The following AMOTL1 variants were observed in gnomAD, a reference collection of about 807,000 sequenced individuals.
AMOTL1 encodes the protein angiomotin-like protein 1.
In AMOTL1, 45 loss-of-function variants were observed where a neutral mutation model predicts 102.9. That is an observed-to-expected ratio of 0.44 (90% CI 0.34 to 0.56). The LOEUF is 0.56. Ranked by LOEUF, AMOTL1 falls within the 20% of genes least tolerant of loss-of-function variation. The pLI is 0.01. For synonymous variants in AMOTL1, 481 were observed against 484.7 expected (o/e 0.99, Z 0.10); for missense variants, 1,114 against 1,225.6 (o/e 0.91, Z 1.36).
At chr11:94,854,903 CCTT>C (rs1418571262) in intron 8 of AMOTL1, among the ~76,000 whole-genome samples, 7 of 152,170 alleles carry the variant, frequency 4.6e-5, no homozygotes, top group African/African-American at 7.2e-5. Context: ...TGCTGCCTGT[CCTT>C]CTCTGCTGGT....
chr11:94,707,784 T>C (rs565860917), intron 1 of AMOTL1, among the ~76,000 whole-genome samples: 1 of 152,266 alleles, frequency 6.6e-6, no homozygotes, highest in East Asian at 1.9e-4. Flanking sequence ...CCCTCCAAAC[T>C]TCCTCACATT....
At chr11:94,863,520 A>G (rs1952816125) in intron 9 of AMOTL1, among the ~76,000 whole-genome samples, 1 of 152,208 alleles carries the variant, frequency 6.6e-6, no homozygotes, top group Admixed American at 6.5e-5. Context: ...TGAACTCAGG[A>G]GGTGGAGGTT....
intron 4 of AMOTL1, among the ~76,000 whole-genome samples, chr11:94,822,115 C>T (rs764529777): frequency 8.5e-5 from 13 of 152,138 alleles, no homozygotes; most frequent in Admixed American, 2.0e-4. Flanking sequence ...AGGATTACCC[C>T]ACCTGGACAA....
chr11:94,800,232 C>T lies in AMOTL1; in HGVS notation c.1042C>T (p.Pro348Ser). 1 of 1,613,964 alleles carries T rather than the reference C, an allele frequency of 6.2e-7. No homozygotes were observed. The highest frequency in any genetic ancestry group is 8.5e-7 in the Non-Finnish European group (1 of 1,179,870). ...CGGGATGCTCCACGAGATGGTCAAGCCCTACCCTGCTCCTCAGCCTGTGAG... is the reference window on the plus strand; with the variant it reads ...CGGGATGCTCCACGAGATGGTCAAGTCCTACCCTGCTCCTCAGCCTGTGAG... The part of the protein sequence containing the change: ...HPGMLHEMVK[P>S]YPAPQPVRTD... Residue 348 changes from proline to serine, a missense_variant, in exon 3 of 13, where the codon CCC becomes TCC. Pro to Ser is a moderately conservative substitution (Grantham distance 74, BLOSUM62 -1). Coordinates refer to ENST00000433060, the MANE Select transcript of AMOTL1 (RefSeq NM_130847.3).
chr11:94,791,395 C>G (rs1314698756), intron 1 of AMOTL1, among the ~76,000 whole-genome samples: 2 of 152,248 alleles, frequency 1.3e-5, no homozygotes, highest in Non-Finnish European at 2.9e-5. Flanking sequence ...CTCCTTTACT[C>G]AGACCTTAGC....
intron 3 of AMOTL1, among the ~76,000 whole-genome samples, chr11:94,819,380 CA>C (rs1951822991): frequency 2.0e-5 from 3 of 152,322 alleles, no homozygotes; most frequent in African/African-American, 7.2e-5. Flanking sequence ...AGGACAGACA[CA>C]ACACAAAGTC....
chr11:94,737,446 TAC>T (rs1471366498), intron 2 of AMOTL1, among the ~76,000 whole-genome samples: 3 of 152,242 alleles, frequency 2.0e-5, no homozygotes, highest in Non-Finnish European at 4.4e-5. Flanking sequence ...ATTTGACTTT[TAC>T]AGTGTGACAC....
At position 94,870,821 on chromosome 11, in the gene AMOTL1, C is replaced by CAG; in HGVS notation, c.*28_*29dup. 6.5e-7 allele frequency: 1 copy of CAG among 1,545,138 alleles called. No individual in the cohort carries two copies. On this transcript the variant is annotated 3_prime_UTR_variant, in exon 13 of 13. Transcript: ENST00000433060. Reference sequence around the variant, plus strand: ...CTGCCATCCCTGTGGAATTTCAGTACAGAACACTGACAAACAAGGAAAGCG... The same window carrying CAG: ...CTGCCATCCCTGTGGAATTTCAGTACAGAGAACACTGACAAACAAGGAAAGCG...
chr11:94,855,063 G>A (rs1267184192), intron 8 of AMOTL1, among the ~76,000 whole-genome samples: 1 of 152,192 alleles, frequency 6.6e-6, no homozygotes, highest in Admixed American at 6.5e-5. Context: ...AGCATGATGA[G>A]CAGAGGCCTT....
chr11:94,714,911 C>T (rs181206823), intron 1 of AMOTL1, among the ~76,000 whole-genome samples: 10 of 151,984 alleles, frequency 6.6e-5, no homozygotes, highest in Admixed American at 3.9e-4. Flanking sequence ...CGCTTGACTT[C>T]GGTATATTTT....
At chr11:94,752,400 A>T (rs914908135) in intron 3 of AMOTL1, among the ~76,000 whole-genome samples, 1 of 152,232 alleles carries the variant, frequency 6.6e-6, no homozygotes, top group East Asian at 1.9e-4. Flanking sequence ...AGGGGATAAA[A>T]AAAGAATGTT....
rs915214164 is a variant in AMOTL1 at position 94,869,180 on chromosome 11, T to C, written c.2489-18T>C. 2.6e-6 allele frequency: 4 copies of C among 1,536,440 alleles called. No homozygotes were observed. The highest frequency in any genetic ancestry group is 3.5e-6 in the Non-Finnish European group (4 of 1,141,218). On this transcript the variant is annotated intron_variant, in intron 11 of 12. Coordinates refer to ENST00000433060, the MANE Select transcript of AMOTL1 (RefSeq NM_130847.3). ...AAAGGAAAAAAAGAATGTTGAAAAATCTGTTCTCTGCCCTCAGGATTGCTG... is the reference window on the plus strand; with the variant it reads ...AAAGGAAAAAAAGAATGTTGAAAAACCTGTTCTCTGCCCTCAGGATTGCTG...
upstream of AMOTL1, among the ~76,000 whole-genome samples, chr11:94,767,621 G>A (rs1950871077): frequency 6.6e-6 from 1 of 152,180 alleles, no homozygotes; most frequent in African/African-American, 2.4e-5. Flanking sequence ...GGCAGGCTCG[G>A]GCACCCCAGA....
chr11:94,829,751 G>T (rs1952036915), intron 4 of AMOTL1, among the ~76,000 whole-genome samples: 1 of 152,152 alleles, frequency 6.6e-6, no homozygotes, highest in Non-Finnish European at 1.5e-5. Context: ...AGTGTAAGAG[G>T]TTTAAGTTAT....
intron 1 of AMOTL1, among the ~76,000 whole-genome samples, chr11:94,726,231 C>A (rs1398021030): frequency 6.6e-6 from 1 of 152,076 alleles, no homozygotes; most frequent in Non-Finnish European, 1.5e-5. Context: ...AGAGTTAAAC[C>A]TTCTTAAATC....
At chr11:94,854,119 T>A in intron 8 of AMOTL1, 37 bp downstream of exon 8, 2 of 1,492,234 alleles carry the variant, frequency 1.3e-6, no homozygotes, top group Non-Finnish European at 1.8e-6. Flanking sequence ...AAGAATTAGA[T>A]ATGTTCACTC....
chr11:94,822,960 T>A (rs1565368461), intron 4 of AMOTL1, among the ~76,000 whole-genome samples: 2 of 152,176 alleles, frequency 1.3e-5, no homozygotes, highest in Non-Finnish European at 2.9e-5. Flanking sequence ...CCCTTGGCAA[T>A]AAAGGGCTTC....
intron 1 of AMOTL1, among the ~76,000 whole-genome samples, chr11:94,769,612 G>T (rs1288176667): frequency 6.6e-6 from 1 of 152,088 alleles, no homozygotes; most frequent in Non-Finnish European, 1.5e-5. Context: ...TGCCTTTTTG[G>T]CTTCGGTGTT....
At chr11:94,738,687 G>A (rs943409894) in intron 2 of AMOTL1, among the ~76,000 whole-genome samples, 3 of 152,174 alleles carry the variant, frequency 2.0e-5, no homozygotes, top group African/African-American at 4.8e-5. Flanking sequence ...ATTTGAAGGT[G>A]TAAGTAAGAG....
Sources: gnomAD v4.1 joint callset for allele counts (sites outside exome capture counted in the v4.1 genomes callset) on GRCh38, gnomAD v4.1.1 for gene constraint, MANE v1.5 for transcripts, NCBI Gene and HGNC (gene_info 2026-07-23, HGNC 2026-07-21) for gene names.